Variants in PTPRA observed in about 807,000 individuals in gnomAD.
PTPRA encodes protein tyrosine phosphatase receptor type A, also known as receptor-type tyrosine-protein phosphatase alpha.
Under a neutral mutation model 104.8 loss-of-function variants are expected in PTPRA, and 25 were observed. The observed-to-expected ratio is 0.24, with a 90% CI of 0.17 to 0.33. The LOEUF (loss-of-function observed/expected upper bound fraction) is 0.33. Among genes scored for constraint, PTPRA ranks in the 10% least tolerant of loss-of-function variants. PTPRA has a pLI of 1.00. For synonymous variants in PTPRA, 323 were observed against 368.9 expected (o/e 0.88, Z 1.43); for missense variants, 765 against 1,015.3 (o/e 0.75, Z 3.35).
At chr20:2,864,207 A>T in the PTPRA span, 2 of 1,614,022 alleles carry the variant, frequency 1.2e-6, no homozygotes, top group South Asian at 2.2e-5. This position sits in a 1 kb window ranked among gnomAD's most constrained non-coding sequence, Gnocchi z 5.2. Flanking sequence ...CGCTCAGGGG[A>T]GCAGGTACCC....
chr20:3,013,893 A>G (rs1048166590), intron 11 of PTPRA, among the ~76,000 whole-genome samples: 2 of 152,118 alleles, frequency 1.3e-5, no homozygotes, highest in Non-Finnish European at 2.9e-5. Context: ...ATTACTCTGT[A>G]TTAGTTAAGC....
At chr20:2,941,762 C>T (rs903935368) in intron 2 of PTPRA, among the ~76,000 whole-genome samples, 2 of 152,180 alleles carry the variant, frequency 1.3e-5, no homozygotes, top group South Asian at 4.1e-4. Context: ...CCTGCCCTTT[C>T]TGAGGTTACG....
At position 3,022,923 on chromosome 20, in the gene PTPRA, T is replaced by G. The variant is rs1034689464; in HGVS notation, c.1464+99T>G. Reference sequence around the variant, plus strand: ...CAGTCTCACAGGTTATTGTAAATGATTACTATAGAGTGTGATTGTGGGGGA... The same window carrying G: ...CAGTCTCACAGGTTATTGTAAATGAGTACTATAGAGTGTGATTGTGGGGGA... On this transcript the variant is annotated intron_variant, in intron 16 of 23. Transcript: ENST00000399903. The surrounding 1 kb of genome is among the most constrained non-coding windows in gnomAD (Gnocchi z 4.6). The G allele has an allele frequency of 1.4e-5, 21 of 1,536,456 alleles. No individual in the cohort carries two copies. The highest frequency in any genetic ancestry group is 1.7e-5 in the Non-Finnish European group (19 of 1,133,602).
At position 2,950,503 on chromosome 20, in the gene PTPRA, C is replaced by CGT. The variant is rs1378805591; in HGVS notation, c.-7+2481_-7+2482dup. Among the ~76,000 whole-genome samples the CGT allele has an allele frequency of 3.3e-5, 5 of 151,748 alleles. No homozygotes were observed. Among genetic ancestry groups the CGT allele is most frequent in the Admixed American group, 3.3e-4 (5 of 15,232 alleles). On this transcript the variant is annotated intron_variant, in intron 3 of 23. Coordinates refer to ENST00000399903, the MANE Select transcript of PTPRA (RefSeq NM_001385305.1). This position sits in a 1 kb window ranked among gnomAD's most constrained non-coding sequence, Gnocchi z 4.0. ...AATACAAAAAAAAAAATTAGCCGGG[C>CGT]GTGGTGGCAGGCACCTGTAGTCCCA...
At chr20:2,944,929 C>T (rs1037143188) in intron 2 of PTPRA, among the ~76,000 whole-genome samples, 2 of 152,116 alleles carry the variant, frequency 1.3e-5, no homozygotes, top group African/African-American at 2.4e-5. Flanking sequence ...TTCGTCTGTT[C>T]TTCGAATATT....
chr20:2,909,963 G>GAT (rs1202615827), intron 1 of PTPRA, among the ~76,000 whole-genome samples: 1 of 113,444 alleles, frequency 8.8e-6, no homozygotes, highest in East Asian at 2.2e-4. Context: ...TATAATATAT[G>GAT]ATATATATAT....
intron 6 of PTPRA, among the ~76,000 whole-genome samples, chr20:2,977,052 T>C (rs2062461869): frequency 6.6e-6 from 1 of 151,968 alleles, no homozygotes; most frequent in Admixed American, 6.6e-5. Flanking sequence ...CCAAGGCGGG[T>C]GGATCACAAG....
chr20:2,891,919 A>G (rs1449451887), intron 1 of PTPRA, among the ~76,000 whole-genome samples: 1 of 152,084 alleles, frequency 6.6e-6, no homozygotes, highest in Admixed American at 6.5e-5. Flanking sequence ...GTTATACTGT[A>G]TTTTTAAGTT....
In PTPRA at chr20:2,876,441, A is replaced by G. The variant is rs376376440; in HGVS notation, c.-129+2681A>G. Among the ~76,000 whole-genome samples the G allele has an allele frequency of 1.1e-4, 16 of 152,258 alleles. No homozygotes were observed. The East Asian group carries it at 1.7e-3, about 17-fold the overall frequency. ...CCTGCTTATCCATACTCCTCCCACCATGGGACGTACCACTCACACCTTACT... is the reference window on the plus strand; with the variant it reads ...CCTGCTTATCCATACTCCTCCCACCGTGGGACGTACCACTCACACCTTACT... On this transcript the variant is annotated intron_variant, in intron 1 of 23. Transcript: ENST00000399903.
intron 11 of PTPRA, among the ~76,000 whole-genome samples, chr20:3,009,926 A>G (rs1441736718): frequency 1.3e-5 from 2 of 151,374 alleles, no homozygotes; most frequent in Non-Finnish European, 2.9e-5. Flanking sequence ...TTGGCTTACT[A>G]CGACCTCTGC....
chr20:2,997,314 G>A (rs2063440096), intron 9 of PTPRA, among the ~76,000 whole-genome samples: 2 of 152,058 alleles, frequency 1.3e-5, no homozygotes, highest in Admixed American at 1.3e-4. Context: ...TAAATTATTT[G>A]ACTTAAAACA....
chr20:3,008,706 GAT>G (rs1432297991), intron 11 of PTPRA, among the ~76,000 whole-genome samples: 5 of 131,324 alleles, frequency 3.8e-5, no homozygotes, highest in Non-Finnish European at 8.0e-5. Context: ...GCCTGACCAA[GAT>G]GGTGAAACCT....
the PTPRA span, chr20:2,865,538 G>A: frequency 1.9e-6 from 3 of 1,575,514 alleles, no homozygotes; most frequent in African/African-American, 4.0e-5. This position sits in a 1 kb window ranked among gnomAD's most constrained non-coding sequence, Gnocchi z 5.2. Flanking sequence ...AGTGAGGGTA[G>A]TCTTCGGGAG....
chr20:3,025,431 C>T (rs6138981), intron 17 of PTPRA, among the ~76,000 whole-genome samples: 19,999 of 128,012 alleles, frequency 0.16, 1,560 homozygotes, highest in East Asian at 0.32. Flanking sequence ...CCAGCCTGGG[C>T]GACAGAGCGA....
chr20:2,925,675 A>T (rs940610436), intron 2 of PTPRA, among the ~76,000 whole-genome samples: 1 of 152,126 alleles, frequency 6.6e-6, no homozygotes, highest in Non-Finnish European at 1.5e-5. Flanking sequence ...TTAGCCAGGC[A>T]TGGTGCTGCA....
chr20:3,000,503 A>G (rs2148255153), intron 9 of PTPRA, among the ~76,000 whole-genome samples: 1 of 152,292 alleles, frequency 6.6e-6, no homozygotes, highest in African/African-American at 2.4e-5. Flanking sequence ...AATTAGTACA[A>G]CTTCTTTGAA....
At position 2,957,601 on chromosome 20, in the gene PTPRA, G is replaced by T. The variant is rs114760691; in HGVS notation, c.-6-6671G>T. Among the ~76,000 whole-genome samples, 860 of 152,268 alleles carry T rather than the reference G, an allele frequency of 5.6e-3. 8 individuals carry two copies. Among genetic ancestry groups the T allele is most frequent in the African/African-American group, 0.019 (795 of 41,536 alleles). On this transcript the variant is annotated intron_variant, in intron 3 of 23. Coordinates refer to ENST00000399903, the MANE Select transcript of PTPRA (RefSeq NM_001385305.1). ...GAAAACTTAATTGTGTTAAAAACTG[G>T]TATGAAAGGGAGGGGTTAAAGCTAG...
chr20:2,957,093 G>T (rs953819223), intron 3 of PTPRA, among the ~76,000 whole-genome samples: 2 of 152,122 alleles, frequency 1.3e-5, no homozygotes, highest in African/African-American at 4.8e-5. Context: ...AGACCATCCT[G>T]GCCAACACAG....
intron 3 of PTPRA, chr20:2,955,597 C>G (rs1306024015): frequency 3.1e-6 from 3 of 979,328 alleles, no homozygotes; most frequent in Non-Finnish European, 3.6e-6. Context: ...AAGTTGATAT[C>G]TGGTGTTCTA....
Sources: gnomAD v4.1 joint callset for allele counts (sites outside exome capture counted in the v4.1 genomes callset) on GRCh38, gnomAD v4.1.1 for gene constraint, Gnocchi (gnomAD v3.1) non-coding constraint, MANE v1.5 for transcripts, NCBI Gene and HGNC (gene_info 2026-07-23, HGNC 2026-07-21) for gene names.